Variants in CASKIN1 observed in about 807,000 individuals in gnomAD.
CASKIN1 encodes caskin-1.
A neutral mutation model predicts 117.5 loss-of-function variants in CASKIN1; 42 were observed. That is an observed-to-expected ratio of 0.36 (90% CI 0.28 to 0.46). The LOEUF is 0.46. Ranked by LOEUF, CASKIN1 falls within the 20% of genes least tolerant of loss-of-function variation. The pLI is 1.00. For synonymous variants in CASKIN1, 1,148 were observed against 961.7 expected (o/e 1.19, Z -3.59); for missense variants, 2,083 against 2,077.3 (o/e 1.00, Z -0.05).
rs756672873 is a variant in CASKIN1, at chr16:2,180,258, G to A, written c.3110C>T (p.Pro1037Leu). ...HPTPRPASPE[P>L]GRVATVLASV... ...GGCCAGCACGGTGGCCACCCGGCCC[G>A]GCTCTGGGCTGGCAGGGCGGGGAGT... is the stretch of plus-strand genomic sequence containing the variant. Residue 1037 changes from proline to leucine, a missense_variant, in exon 18 of 20, where the codon CCG becomes CTG. Transcript: ENST00000343516. 2.1e-5 allele frequency: 32 copies of A among 1,557,360 alleles called. No individual in the cohort carries two copies. The highest frequency in any genetic ancestry group is 1.1e-4 in the South Asian group (9 of 85,136).
intron 3 of CASKIN1, 147 bp from the exon 4 acceptor site, chr16:2,189,711 A>G: frequency 1.2e-6 from 1 of 820,482 alleles, no homozygotes; most frequent in South Asian, 1.8e-5. Context: ...CACCAAGCCC[A>G]ACCCTTGGGG....
chr16:2,180,906 CG>C lies in CASKIN1; in HGVS notation c.2461del (p.Arg821AlafsTer63). Reference protein sequence around the residue: ...LPPTERPMSPRSLPQSPTHRG... With the variant: ...LPPTERPMSPXSLPQSPTHRG... ...GTGCGTCGGTGACTGAGGCAGGGAG[CG>C]GGGTGACATGGGGCGCTCTGTCGGC... On this transcript the variant is annotated frameshift_variant, in exon 18 of 20. Coordinates refer to ENST00000343516, the MANE Select transcript of CASKIN1 (RefSeq NM_020764.4). LOFTEE classifies it high-confidence loss of function. 1 of 1,450,520 alleles carries C rather than the reference CG, an allele frequency of 6.9e-7. No homozygotes were observed. Among genetic ancestry groups the C allele is most frequent in the Non-Finnish European group, 9.0e-7 (1 of 1,108,072 alleles). The allele number at this position is 1,450,520 out of a possible 1,614,324, so 89.9% of individuals were successfully genotyped here.
Position 2,181,703 on chromosome 16 carries a change from G to C in CASKIN1, c.1768+88C>G, listed in dbSNP as rs967488112. The C allele has an allele frequency of 8.1e-4, 1,210 of 1,497,418 alleles. 5 individuals are homozygous for C. Among genetic ancestry groups the C allele is most frequent in the Non-Finnish European group, 9.6e-4 (1,069 of 1,114,612 alleles). The allele number at this position is 1,497,418 out of a possible 1,614,324, so 92.8% of individuals were successfully genotyped here. ...GGGCTTGGGGCCCAGCTTGGGGCTG[G>C]GGCGGGGCTGGGGCTGGGCTGGTGG... On this transcript the variant is annotated intron_variant, in intron 17 of 19. Coordinates refer to ENST00000343516, the MANE Select transcript of CASKIN1 (RefSeq NM_020764.4).
Position 2,182,683 on chromosome 16 carries a change from T to G in CASKIN1, c.1630-754A>C, listed in dbSNP as rs778480853. 2.0e-5 allele frequency among the ~76,000 whole-genome samples: 3 copies of G among 152,224 alleles called. No homozygotes were observed. The highest frequency in any genetic ancestry group is 4.4e-5 in the Non-Finnish European group (3 of 68,036). On this transcript the variant is annotated intron_variant, in intron 16 of 19. Transcript: ENST00000343516. This position sits in a 1 kb window ranked among gnomAD's most constrained non-coding sequence, Gnocchi z 4.1. ...GACAGCCACCGATCGCCTCTCCCGT[T>G]GGGAGCCCAGAGCTCAGTGTGAGGC...
In CASKIN1 at chr16:2,190,158, C is replaced by A. The variant is rs767419773; in HGVS notation, c.159G>T (p.Leu53=). 3.8e-5 allele frequency: 62 copies of A among 1,612,938 alleles called. No individual in the cohort carries two copies. The South Asian group carries it at 5.2e-4, about 13-fold the overall frequency. The part of the protein sequence containing the change: ...NFQDPDGFSA[L]HHAALNGNTE... The stretch of plus-strand genomic sequence containing the variant: ...TGTTGCCGTTCAGGGCCGCATGGTG[C>A]AGAGCCGAGAAGCTGGCACGTGCAG... Residue 53 remains leucine (L), a synonymous_variant, in exon 3 of 20, where the codon CTG becomes CTT. Coordinates refer to ENST00000343516, the MANE Select transcript of CASKIN1 (RefSeq NM_020764.4).
Position 2,183,894 on chromosome 16 carries a change from G to A in CASKIN1, c.1464C>T (p.Leu488=), listed in dbSNP as rs865811521. The part of the protein sequence containing the change: ...SQWLTAFQLQ[L]YAPNFISAGY... ...CGGCGCTGATGAAGTTGGGGGCGTA[G>A]AGCTGCAGCTGGAACGCGGTGAGCC... Residue 488 remains leucine, a synonymous_variant, in exon 15 of 20, where the codon CTC becomes CTT. Transcript: ENST00000343516. 9 of 1,611,552 alleles carry A rather than the reference G, an allele frequency of 5.6e-6. No homozygotes were observed. The Middle Eastern group carries it at 4.9e-4, about 88-fold the overall frequency.
chr16:2,193,078 T>C (rs1596695260), intron 1 of CASKIN1, among the ~76,000 whole-genome samples: 1 of 152,122 alleles, frequency 6.6e-6, no homozygotes, highest in Non-Finnish European at 1.5e-5. Flanking sequence ...AGTGCAATGG[T>C]GCGATCTCGG....
Position 2,177,716 on chromosome 16 carries a change from A to C in CASKIN1, c.*834T>G, listed in dbSNP as rs917042380. The C allele has an allele frequency of 2.5e-5, 6 of 239,316 alleles. No homozygotes were observed. Among genetic ancestry groups the C allele is most frequent in the Non-Finnish European group, 3.3e-5 (4 of 121,308 alleles). The allele number at this position is 239,316 out of a possible 1,614,324, so 14.8% of individuals were successfully genotyped here. A position where few individuals can be genotyped will look rare whatever the true frequency, so the allele number is the denominator to read the frequency against. On this transcript the variant is annotated 3_prime_UTR_variant, in exon 20 of 20. Coordinates refer to ENST00000343516, the MANE Select transcript of CASKIN1 (RefSeq NM_020764.4). ...CTGCTTCCACGTGGCTGCCACGCTG[A>C]CACACCCACATTCACCAAACCCACC... is the stretch of plus-strand genomic sequence containing the variant.
chr16:2,189,703 C>G (rs982248920), intron 3 of CASKIN1, 139 bp from the exon 4 acceptor site: 1 of 842,624 alleles, frequency 1.2e-6, no homozygotes, highest in Middle Eastern at 3.7e-4. Context: ...ACTTCTGACA[C>G]CAAGCCCAAC....
At position 2,178,968 on chromosome 16, in the gene CASKIN1, G is replaced by T; in HGVS notation, c.4133C>A (p.Ala1378Glu). 6.8e-7 allele frequency: 1 copy of T among 1,466,956 alleles called. No homozygotes were observed. Among genetic ancestry groups the T allele is most frequent in the Non-Finnish European group, 9.0e-7 (1 of 1,116,960 alleles). The allele number at this position is 1,466,956 out of a possible 1,614,324, so 90.9% of individuals were successfully genotyped here. A position where few individuals can be genotyped will look rare whatever the true frequency, so the allele number is the denominator to read the frequency against. The change falls in exon 19 of 20, where the codon GCG becomes GAG. Residue 1378 changes from alanine (A) to glutamate (E), a missense_variant. By Grantham distance (107) the Ala-to-Glu change is moderately radical. Around this residue, in one of 3 missense-constraint regions of CASKIN1, gnomAD observed 1,818 missense variants for 1,688.9 expected, o/e 1.08. Coordinates refer to ENST00000343516, the MANE Select transcript of CASKIN1 (RefSeq NM_020764.4). The stretch of plus-strand genomic sequence containing the variant: ...CGCCTGCAGCGCCGCGGCCAGGCAC[G>T]CGCTTGTCTCCTCCAGTTTCTGCCG... ...SARQKLEETS[A>E]CLAAALQAVE...
intron 1 of CASKIN1, among the ~76,000 whole-genome samples, chr16:2,191,980 C>G (rs564336924): frequency 1.3e-5 from 2 of 152,228 alleles, no homozygotes. Flanking sequence ...ACACCCACCC[C>G]GTCGGGGTTC....
In CASKIN1 at chr16:2,187,176, C is replaced by G. The variant is rs1349667535; in HGVS notation, c.825G>C (p.Gln275His). The G allele has an allele frequency of 6.2e-7, 1 of 1,613,872 alleles. No homozygotes were observed. The highest frequency in any genetic ancestry group is 1.3e-5 in the African/African-American group (1 of 74,926). ...TTSQASREIKQLLREASAALQ... is the reference protein window; with the variant it reads ...TTSQASREIKHLLREASAALQ... Reference sequence around the variant, plus strand: ...CCTGCCTGGGCCCACCTCGCAACAGCTGCTTGATCTCCCTGCTGGCCTGGG... The same window carrying G: ...CCTGCCTGGGCCCACCTCGCAACAGGTGCTTGATCTCCCTGCTGGCCTGGG... The change falls in exon 8 of 20, where the codon CAG (glutamine) becomes CAC (histidine). Residue 275 changes from glutamine to histidine, a missense_variant. Transcript: ENST00000343516.
chr16:2,190,179 T>TGCAGAGGACACATAGA lies in CASKIN1; in HGVS notation c.147-25_147-10dup, dbSNP rs1567263511. 2.5e-6 allele frequency: 4 copies of TGCAGAGGACACATAGA among 1,612,738 alleles called. No individual in the cohort carries two copies. Among genetic ancestry groups the TGCAGAGGACACATAGA allele is most frequent in the Non-Finnish European group, 3.4e-6 (4 of 1,179,814 alleles). On this transcript the variant is annotated splice_polypyrimidine_tract_variant and intron_variant, in intron 2 of 19. Transcript: ENST00000343516. ...GGTGCAGAGCCGAGAAGCTGGCACGTGCAGAGGACACATAGAGCAGAGGCC... is the reference window on the plus strand; with the variant it reads ...GGTGCAGAGCCGAGAAGCTGGCACGTGCAGAGGACACATAGAGCAGAGGACACATAGAGCAGAGGCC...
chr16:2,193,383 C>T (rs1206643563), intron 1 of CASKIN1, among the ~76,000 whole-genome samples: 1 of 152,196 alleles, frequency 6.6e-6, no homozygotes, highest in African/African-American at 2.4e-5. Context: ...GGAATTATGT[C>T]GTGGGGCCTA....
intron 1 of CASKIN1, among the ~76,000 whole-genome samples, chr16:2,190,611 G>A (rs1297163025): frequency 6.6e-6 from 1 of 152,182 alleles, no homozygotes; most frequent in African/African-American, 2.4e-5. Context: ...AAGGACTCCG[G>A]CCTGGAGTCC....
chr16:2,183,646 G>A lies in CASKIN1; in HGVS notation c.1629C>T (p.Pro543=), dbSNP rs775154106. The A allele has an allele frequency of 1.4e-5, 22 of 1,612,686 alleles. No homozygotes were observed. The highest frequency in any genetic ancestry group is 8.9e-5 in the East Asian group (4 of 44,880). The change falls in exon 16 of 20, where the codon CCC becomes CCT. Residue 543 remains proline, a splice_region_variant and synonymous_variant. Coordinates refer to ENST00000343516, the MANE Select transcript of CASKIN1 (RefSeq NM_020764.4). The part of the protein sequence containing the change: ...SIPDWLPEHK[P]ANLAVWLSMI... ...GCCCCTGGGATGCAGGTGGCCTTAC[G>A]GGTTTGTGCTCAGGCAGCCAGTCAG...
At chr16:2,191,066 C>T (rs1039709483) in intron 1 of CASKIN1, among the ~76,000 whole-genome samples, 1 of 152,208 alleles carries the variant, frequency 6.6e-6, no homozygotes, top group Non-Finnish European at 1.5e-5. Flanking sequence ...CAGCCAGCTG[C>T]CAGAGGAGGG....
rs781234079 is a variant in CASKIN1 at position 2,196,460 on chromosome 16, C to T, written c.-28G>A. ...CGCGGCCGGGGCCGCAGCGACGCGG[C>T]TGCGCTCGTGAGCTCGGCGCGGCTC... is the stretch of plus-strand genomic sequence containing the variant. On this transcript the variant is annotated 5_prime_UTR_variant, in exon 1 of 20. Coordinates refer to ENST00000343516, the MANE Select transcript of CASKIN1 (RefSeq NM_020764.4). This position sits in a 1 kb window ranked among gnomAD's most constrained non-coding sequence, Gnocchi z 5.7. 193 of 1,167,666 alleles carry T rather than the reference C, an allele frequency of 1.7e-4. No homozygotes were observed. Among genetic ancestry groups the T allele is most frequent in the Non-Finnish European group, 2.0e-4 (187 of 935,620 alleles). 72.3% of individuals were successfully genotyped at this position (1,167,666 alleles called of 1,614,324 possible).
At position 2,189,485 on chromosome 16, in the gene CASKIN1, C is replaced by G; in HGVS notation, c.324G>C (p.Val108=). 1 of 1,612,206 alleles carries G rather than the reference C, an allele frequency of 6.2e-7. No homozygotes were observed. The highest frequency in any genetic ancestry group is 8.5e-7 in the Non-Finnish European group (1 of 1,179,806). ...TGTGGCCCTCATCAGACGGGATGTT[C>G]ACGGCCGAGCCCGCCTTCAGCACCA... ...MKLVLKAGSA[V]NIPSDEGHIP... Residue 108 remains valine (V), a synonymous_variant, in exon 4 of 20, where the codon GTG becomes GTC. Transcript: ENST00000343516.
Sources: allele counts gnomAD v4.1 joint callset (sites outside exome capture counted in the v4.1 genomes callset), GRCh38; gene constraint gnomAD v4.1.1; regional missense constraint gnomAD v4.1.1; non-coding constraint Gnocchi (gnomAD v3.1); transcripts MANE v1.5; gene names NCBI Gene and HGNC (gene_info 2026-07-23, HGNC 2026-07-21).